PLOD1: variants seen among roughly 807,000 people sequenced by gnomAD.
PLOD1 encodes lysine hydroxylase.
PLOD1 carries 70 observed loss-of-function variants against 94.7 expected under a neutral mutation model. The ratio of observed to expected loss-of-function variants is 0.74; its 90% CI spans 0.61 to 0.90. The LOEUF is 0.90. Ranked by LOEUF, PLOD1 falls within the 40% of genes least tolerant of loss-of-function variation. The pLI is 0.00. For missense variants in PLOD1, 905 were observed against 972.7 expected (o/e 0.93, Z 0.93); for synonymous variants, 417 against 400.2 (o/e 1.04, Z -0.50).
rs141881216 is a variant in PLOD1, at chr1:11,958,619, A to C, written c.947A>C (p.Lys316Thr). 8.1e-6 allele frequency: 13 copies of C among 1,614,102 alleles called. No individual in the cohort carries two copies. In the African/African-American group the frequency reaches 1.6e-4, roughly 20 times the overall value. ...CTCCTGCGGCTCCACTACCCCCAGAAACACATGCGACTTTTCATCCACAAC... is the reference window on the plus strand; with the variant it reads ...CTCCTGCGGCTCCACTACCCCCAGACACACATGCGACTTTTCATCCACAAC... ...QRLLRLHYPQ[K>T]HMRLFIHNHE... is the part of the protein sequence containing the mutation. Residue 316 changes from lysine to threonine, a missense_variant, in exon 9 of 19, where the codon AAA becomes ACA. By Grantham distance (78) the Lys-to-Thr change is moderately conservative (BLOSUM62 -1). Coordinates refer to ENST00000196061, the MANE Select transcript of PLOD1 (RefSeq NM_000302.4). This position sits in a 1 kb window ranked among gnomAD's most constrained non-coding sequence, Gnocchi z 4.3.
chr1:11,955,086 G>A (rs1028510623), intron 6 of PLOD1, among the ~76,000 whole-genome samples, 193 bp downstream of exon 6: 3 of 152,228 alleles, frequency 2.0e-5, no homozygotes, highest in Non-Finnish European at 2.9e-5. Context: ...TCTTGGGGGC[G>A]GGGGACAAGT....
Position 11,958,430 on chromosome 1 carries a change from T to C in PLOD1, c.844-86T>C. 1 of 1,483,808 alleles carries C rather than the reference T, an allele frequency of 6.7e-7. No individual in the cohort carries two copies. The highest frequency in any genetic ancestry group is 1.2e-5 in the South Asian group (1 of 85,916). The allele number at this position is 1,483,808 out of a possible 1,614,324, so 91.9% of individuals were successfully genotyped here. ...AAGTCTACATGCTTCTGATTCTGGC[T>C]CTGACTCCCTTGGGCCACCCTGGGG... On this transcript the variant is annotated intron_variant, in intron 8 of 18. Coordinates refer to ENST00000196061, the MANE Select transcript of PLOD1 (RefSeq NM_000302.4). This position sits in a 1 kb window ranked among gnomAD's most constrained non-coding sequence, Gnocchi z 4.3.
chr1:11,939,589 C>T (rs1042474887), intron 1 of PLOD1, among the ~76,000 whole-genome samples: 2 of 152,076 alleles, frequency 1.3e-5, no homozygotes, highest in African/African-American at 2.4e-5. Flanking sequence ...AAGCCCTCAC[C>T]GTCAGTCTCT....
At position 11,963,847 on chromosome 1, in the gene PLOD1, G is replaced by A. The variant is rs549841216; in HGVS notation, c.1202+211G>A. 6.2e-5 allele frequency among the ~76,000 whole-genome samples: 9 copies of A among 144,424 alleles called. No homozygotes were observed. The highest frequency in any genetic ancestry group is 4.9e-4 in the Admixed American group (7 of 14,268). The allele number at this position is 144,424 out of a possible 152,430, so 94.7% of individuals were successfully genotyped here. The stretch of plus-strand genomic sequence containing the variant: ...TTCCTCCTTTTTCCTCCTCCTCCTC[G>A]TCTTCCTCATCCTCTTTCTCCTCCT... On this transcript the variant is annotated intron_variant, in intron 11 of 18. Transcript: ENST00000196061. This position sits in a 1 kb window ranked among gnomAD's most constrained non-coding sequence, Gnocchi z 4.3.
rs1467144480 is a variant in PLOD1 at position 11,963,964 on chromosome 1, C to T, written c.1203-211C>T. Among the ~76,000 whole-genome samples, 2 of 152,140 alleles carry T rather than the reference C, an allele frequency of 1.3e-5. No individual in the cohort carries two copies. The highest frequency in any genetic ancestry group is 1.5e-5 in the Non-Finnish European group (1 of 68,024). On this transcript the variant is annotated intron_variant, in intron 11 of 18. Transcript: ENST00000196061. This position sits in a 1 kb window ranked among gnomAD's most constrained non-coding sequence, Gnocchi z 4.3. ...GGTTCTGATAGAGAAGGTGTCCTGC[C>T]CTGTCTGCTCCTGGCTGCCCCATGG...
rs1022483147 is a variant in PLOD1 at position 11,957,880 on chromosome 1, C to T, written c.780C>T (p.Phe260=). Residue 260 remains phenylalanine, a synonymous_variant, in exon 8 of 19, where the codon TTC becomes TTT. Transcript: ENST00000196061. The surrounding 1 kb of genome is among the most constrained non-coding windows in gnomAD (Gnocchi z 4.1). The part of the protein sequence containing the change: ...LNYLGNYIPR[F]WTFETGCTVC... The stretch of plus-strand genomic sequence containing the variant: ...ACCTGGGCAACTACATCCCGCGCTT[C>T]TGGACCTTCGAAACAGGCTGCACCG... 9 of 1,614,052 alleles carry T rather than the reference C, an allele frequency of 5.6e-6. No homozygotes were observed. In the African/African-American group the frequency reaches 1.1e-4, roughly 19 times the overall value.
chr1:11,964,634 T>G lies in PLOD1; in HGVS notation c.1329-10T>G. 6.2e-7 allele frequency: 1 copy of G among 1,612,152 alleles called. No individual in the cohort carries two copies. On this transcript the variant is annotated splice_polypyrimidine_tract_variant and intron_variant, in intron 12 of 18. Coordinates refer to ENST00000196061, the MANE Select transcript of PLOD1 (RefSeq NM_000302.4). ...CTCTGACCCCCACCCGCTTTCTGTC[T>G]CTCCCACAGTGGTGTCTGGAATGTG...
chr1:11,975,171 G>C lies in PLOD1; in HGVS notation c.*363G>C. On this transcript the variant is annotated 3_prime_UTR_variant, in exon 19 of 19. Coordinates refer to ENST00000196061, the MANE Select transcript of PLOD1 (RefSeq NM_000302.4). ...AACAGGGGCTTCCCCAAGTTGCCCA[G>C]AAAGACTGTCTGGGTGAGAAGCCAT... 1 of 349,884 alleles carries C rather than the reference G, an allele frequency of 2.9e-6. No individual in the cohort carries two copies. 21.7% of individuals were successfully genotyped at this position (349,884 alleles called of 1,614,324 possible).
At chr1:11,968,475 C>T (rs554627715) in intron 16 of PLOD1, among the ~76,000 whole-genome samples, 2 of 152,018 alleles carry the variant, frequency 1.3e-5, no homozygotes, top group East Asian at 3.9e-4. Context: ...ATTCATATCT[C>T]CTATGTACTT....
At position 11,957,091 on chromosome 1, in the gene PLOD1, G is replaced by A. The variant is rs138253757; in HGVS notation, c.741+77G>A. ...TTCATTCTCACTGTGACCCCACAGTGTCTCCCTGGGGCCAGGGCCACCTTC... is the reference window on the plus strand; with the variant it reads ...TTCATTCTCACTGTGACCCCACAGTATCTCCCTGGGGCCAGGGCCACCTTC... On this transcript the variant is annotated intron_variant, in intron 7 of 18. Coordinates refer to ENST00000196061, the MANE Select transcript of PLOD1 (RefSeq NM_000302.4). The surrounding 1 kb of genome is among the most constrained non-coding windows in gnomAD (Gnocchi z 4.1). 1.7e-3 allele frequency: 1,733 copies of A among 991,616 alleles called. 14 individuals carry two copies. In the African/African-American group the frequency reaches 0.024, roughly 13 times the overall value. The allele number at this position is 991,616 out of a possible 1,614,324, so 61.4% of individuals were successfully genotyped here. A position where few individuals can be genotyped will look rare whatever the true frequency, so the allele number is the denominator to read the frequency against.
chr1:11,936,670 G>C (rs1645581277), intron 1 of PLOD1, among the ~76,000 whole-genome samples: 2 of 151,380 alleles, frequency 1.3e-5, no homozygotes, highest in South Asian at 2.1e-4. Context: ...TTACAGGCCT[G>C]CACCACCACG....
chr1:11,952,931 G>C (rs1259542036), intron 5 of PLOD1, among the ~76,000 whole-genome samples, 196 bp downstream of exon 5: 2 of 152,184 alleles, frequency 1.3e-5, no homozygotes, highest in Admixed American at 1.3e-4. Flanking sequence ...CCGGAAGGGT[G>C]AGATCACAGT....
intron 1 of PLOD1, among the ~76,000 whole-genome samples, chr1:11,938,415 A>C (rs1645594268): frequency 6.6e-6 from 1 of 152,100 alleles, no homozygotes; most frequent in Non-Finnish European, 1.5e-5. Context: ...CTGGACGGGA[A>C]GGGGGTGCTG....
chr1:11,961,119 C>T (rs1329197971), intron 10 of PLOD1, among the ~76,000 whole-genome samples: 1 of 152,076 alleles, frequency 6.6e-6, no homozygotes, highest in African/African-American at 2.4e-5. Context: ...AGCAGTGGCT[C>T]ATGCCTGTAA....
At chr1:11,952,536 G>A (rs1645710242) in intron 4 of PLOD1, 87 bp from the exon 5 acceptor site, 2 of 911,800 alleles carry the variant, frequency 2.2e-6, no homozygotes, top group East Asian at 4.9e-5. Context: ...AGTGGAGGTG[G>A]ATAAGAGGGA....
chr1:11,973,964 G>A (rs2100767979), intron 18 of PLOD1, among the ~76,000 whole-genome samples: 1 of 152,292 alleles, frequency 6.6e-6, no homozygotes, highest in East Asian at 1.9e-4. Context: ...AGAAGTCAGA[G>A]ATGCCCGGGA....
chr1:11,965,410 C>T (rs949698327), intron 13 of PLOD1, 70 bp from the exon 14 acceptor site: 17 of 799,406 alleles, frequency 2.1e-5, no homozygotes, highest in East Asian at 1.2e-4. Flanking sequence ...CGTCTGGGAG[C>T]GTGCAGGGGA....
chr1:11,970,763 C>T lies in PLOD1; in HGVS notation c.1849C>T (p.Leu617=). Residue 617 remains leucine, a synonymous_variant, in exon 17 of 19, where the codon CTG becomes TTG. Transcript: ENST00000196061. The part of the protein sequence containing the change: ...GFEREWHKFL[L]EYIAPMTEKL... ...TGAGCGGGAGTGGCACAAATTCCTG[C>T]TGGAGTACATTGCGCCCATGACGGA... 6.2e-7 allele frequency: 1 copy of T among 1,611,658 alleles called. No individual in the cohort carries two copies. The highest frequency in any genetic ancestry group is 8.5e-7 in the Non-Finnish European group (1 of 1,179,686).
intron 16 of PLOD1, among the ~76,000 whole-genome samples, chr1:11,968,839 C>CT (rs566417062): frequency 0.018 from 2,222 of 124,084 alleles, 50 homozygotes; most frequent in African/African-American, 0.055. Context: ...TTTCTACGTC[C>CT]TTTTTTTTTT....
Sources: allele counts gnomAD v4.1 joint callset (sites outside exome capture counted in the v4.1 genomes callset), GRCh38; gene constraint gnomAD v4.1.1; non-coding constraint Gnocchi (gnomAD v3.1); transcripts MANE v1.5; gene names NCBI Gene and HGNC (gene_info 2026-07-23, HGNC 2026-07-21).